The following STARD13 variants were observed in gnomAD, a reference collection of about 807,000 sequenced individuals.
The protein encoded by STARD13 is stAR-related lipid transfer protein 13.
STARD13 carries 62 observed loss-of-function variants against 106.4 expected under a neutral mutation model. The ratio of observed to expected loss-of-function variants is 0.58; its 90% CI spans 0.48 to 0.72. The LOEUF (loss-of-function observed/expected upper bound fraction) is 0.72. Ranked by LOEUF, STARD13 falls within the 30% of genes least tolerant of loss-of-function variation. The pLI is 0.00. For synonymous variants in STARD13, 565 were observed against 553.0 expected, an observed-to-expected ratio of 1.02 and a Z score of -0.31; for missense variants, 1,387 against 1,424.0, an observed-to-expected ratio of 0.97 and a Z score of 0.42.
upstream of STARD13, among the ~76,000 whole-genome samples, chr13:33,288,331 C>A (rs13378853): frequency 6.6e-6 from 1 of 151,752 alleles, no homozygotes; most frequent in East Asian, 1.9e-4. Flanking sequence ...ATTGCAGTGG[C>A]GCAATCATAG....
At chr13:33,200,150 G>A (rs1476246004) in intron 1 of STARD13, among the ~76,000 whole-genome samples, 1 of 152,208 alleles carries the variant, frequency 6.6e-6, no homozygotes, top group Non-Finnish European at 1.5e-5. Context: ...AACCAAACAC[G>A]CTGCCTTCTA....
the STARD13 span, among the ~76,000 whole-genome samples, chr13:33,380,486 C>G: frequency 7.4e-6 from 1 of 135,072 alleles, no homozygotes; most frequent in Non-Finnish European, 1.6e-5. Flanking sequence ...CCACCCCCCC[C>G]ACACACAAAT....
intron 1 of STARD13, among the ~76,000 whole-genome samples, chr13:33,221,630 T>C (rs1888360227): frequency 6.6e-6 from 1 of 152,176 alleles, no homozygotes; most frequent in African/African-American, 2.4e-5. Context: ...CATTCCTCCA[T>C]GCAGGACTGG....
chr13:33,224,092 C>G (rs1383878540), intron 1 of STARD13, among the ~76,000 whole-genome samples: 1 of 152,120 alleles, frequency 6.6e-6, no homozygotes, highest in East Asian at 1.9e-4. Context: ...TGACCCAAAA[C>G]AGTTTGAATC....
chr13:33,629,784 T>C, the STARD13 span, among the ~76,000 whole-genome samples: 2 of 152,088 alleles, frequency 1.3e-5, no homozygotes, highest in Non-Finnish European at 1.5e-5. Context: ...AGCCAAGGAA[T>C]AGCTGGGCAA....
chr13:33,348,255 C>G (rs546902540), downstream of STARD13, among the ~76,000 whole-genome samples: 2 of 152,320 alleles, frequency 1.3e-5, no homozygotes, highest in Admixed American at 1.3e-4. Context: ...CATTCTGAAA[C>G]CACTTTTAGC....
chr13:33,621,692 A>T, the STARD13 span, among the ~76,000 whole-genome samples: 1 of 151,910 alleles, frequency 6.6e-6, no homozygotes, highest in Non-Finnish European at 1.5e-5. Context: ...AAAAAAAAAA[A>T]AAAAAAAAAT....
chr13:33,166,394 T>C (rs1883315685), intron 2 of STARD13, among the ~76,000 whole-genome samples: 1 of 152,116 alleles, frequency 6.6e-6, no homozygotes, highest in African/African-American at 2.4e-5. Flanking sequence ...TCTCTCCTCC[T>C]GGGCTCTGGC....
chr13:33,460,958 A>G, the STARD13 span, among the ~76,000 whole-genome samples: 1 of 152,270 alleles, frequency 6.6e-6, no homozygotes, highest in Non-Finnish European at 1.5e-5. Context: ...TCTCAAAATA[A>G]TTAGGCCAAG....
chr13:33,571,600 G>T, the STARD13 span, among the ~76,000 whole-genome samples: 1 of 152,294 alleles, frequency 6.6e-6, no homozygotes, highest in South Asian at 2.1e-4. Flanking sequence ...CTTGCCAGCA[G>T]TTATTCTATA....
In STARD13 at chr13:33,201,081, AAAT is replaced by A. The variant is rs1364519948; in HGVS notation, c.170-33462_170-33460del. Among the ~76,000 whole-genome samples the A allele has an allele frequency of 4.3e-4, 65 of 151,976 alleles. 1 individual carries two copies. Among genetic ancestry groups the A allele is most frequent in the Middle Eastern group, 3.4e-3 (1 of 294 alleles). On this transcript the variant is annotated intron_variant, in intron 1 of 13. Coordinates refer to ENST00000336934, the MANE Select transcript of STARD13 (RefSeq NM_178006.4). ...TAAACAAATAAAAATAAAAATAAAAAAATAAAAAATAAAAAATAGAAATATGCT... is the reference window on the plus strand; with the variant it reads ...TAAACAAATAAAAATAAAAATAAAAAAAAAAATAAAAAATAGAAATATGCT...
chr13:33,464,264 T>C, the STARD13 span, among the ~76,000 whole-genome samples: 1 of 152,058 alleles, frequency 6.6e-6, no homozygotes, highest in Non-Finnish European at 1.5e-5. Context: ...CTAGTCTCTA[T>C]GATTTGGTCT....
the STARD13 span, among the ~76,000 whole-genome samples, chr13:33,379,521 G>A: frequency 2.6e-5 from 4 of 152,140 alleles, no homozygotes; most frequent in Non-Finnish European, 4.4e-5. Flanking sequence ...AGGGTAGGAG[G>A]TTTTCTGTTT....
At chr13:33,511,955 T>A in the STARD13 span, among the ~76,000 whole-genome samples, 16 of 151,964 alleles carry the variant, frequency 1.1e-4, no homozygotes, top group African/African-American at 3.6e-4. Context: ...AGAAAAAAAA[T>A]TGGCCATTAA....
the STARD13 span, among the ~76,000 whole-genome samples, chr13:33,631,257 C>A: frequency 3.9e-5 from 6 of 152,154 alleles, no homozygotes; most frequent in Admixed American, 2.6e-4. Flanking sequence ...AATATGTTAC[C>A]CTCCTTCCTT....
intron 1 of STARD13, among the ~76,000 whole-genome samples, chr13:33,318,497 T>C (rs759290423): frequency 2.6e-5 from 4 of 152,182 alleles, no homozygotes; most frequent in Admixed American, 1.3e-4. Flanking sequence ...AAAACATTCA[T>C]GACCTTGGAT....
chr13:33,616,765 G>A, the STARD13 span, among the ~76,000 whole-genome samples: 6 of 152,196 alleles, frequency 3.9e-5, 1 homozygote, highest in African/African-American at 1.2e-4. Flanking sequence ...GTAATTACAT[G>A]GGTATTAATA....
intron 1 of STARD13, among the ~76,000 whole-genome samples, chr13:33,327,671 C>T (rs1206039298): frequency 6.6e-6 from 1 of 152,096 alleles, no homozygotes; most frequent in Non-Finnish European, 1.5e-5. Context: ...GTGCTGGTCC[C>T]TTTGGTGATT....
chr13:33,422,158 G>T, the STARD13 span, among the ~76,000 whole-genome samples: 35 of 152,230 alleles, frequency 2.3e-4, no homozygotes, highest in South Asian at 6.2e-4. Flanking sequence ...GTCAAACTGT[G>T]CCTGTTTGCA....
Sources: gnomAD v4.1 joint callset for allele counts (sites outside exome capture counted in the v4.1 genomes callset) on GRCh38, gnomAD v4.1.1 for gene constraint, MANE v1.5 for transcripts, NCBI Gene and HGNC (gene_info 2026-07-23, HGNC 2026-07-21) for gene names.